Variants in ANGPT1 observed in about 807,000 individuals in gnomAD.
The protein encoded by ANGPT1 is angiopoietin 1, also known as angiopoietin-1.
In ANGPT1, 17 loss-of-function variants were observed where a neutral mutation model predicts 62.2. That is an observed-to-expected ratio of 0.27 (90% confidence interval 0.19 to 0.41). ANGPT1 has a LOEUF of 0.41. ANGPT1 is among the 10% of genes least tolerant of loss of function. The probability of loss-of-function intolerance (pLI) is 1.00; values close to 1 mark genes in which losing one functional copy is unlikely to be tolerated. For synonymous variants in ANGPT1, 199 were observed against 198.9 expected, an observed-to-expected ratio of 1.00 and a Z score of 0.00; for missense variants, 478 against 594.9, an observed-to-expected ratio of 0.80 and a Z score of 2.04.
intron 1 of ANGPT1, among the ~76,000 whole-genome samples, chr8:107,481,199 G>A (rs1361946080): frequency 1.3e-5 from 2 of 152,084 alleles, no homozygotes; most frequent in African/African-American, 2.4e-5. Context: ...TTACAGTCCT[G>A]ATTTGGCTCT....
chr8:107,436,266 G>T (rs1009837374), intron 1 of ANGPT1, among the ~76,000 whole-genome samples: 1 of 152,118 alleles, frequency 6.6e-6, no homozygotes, highest in African/African-American at 2.4e-5. Context: ...TTTCTTCAAG[G>T]CCACACAGTA....
chr8:107,417,277 G>A (rs1384555840), intron 1 of ANGPT1, among the ~76,000 whole-genome samples: 1 of 152,132 alleles, frequency 6.6e-6, no homozygotes, highest in Non-Finnish European at 1.5e-5. Flanking sequence ...CTTGCTAAGA[G>A]GGAGGAGTCA....
chr8:107,391,704 AC>A (rs1257364752), intron 1 of ANGPT1, among the ~76,000 whole-genome samples: 1 of 152,180 alleles, frequency 6.6e-6, no homozygotes, highest in Admixed American at 6.6e-5. Context: ...CACAGAGTGT[AC>A]TTACAGAATC....
intron 8 of ANGPT1, among the ~76,000 whole-genome samples, chr8:107,255,970 T>G (rs191247576): frequency 6.6e-6 from 1 of 152,198 alleles, no homozygotes; most frequent in Non-Finnish European, 1.5e-5. Flanking sequence ...ATGAAAATAA[T>G]TAGACCCAAA....
At chr8:107,448,188 T>C (rs1284707386) in intron 1 of ANGPT1, among the ~76,000 whole-genome samples, 1 of 152,210 alleles carries the variant, frequency 6.6e-6, no homozygotes, top group Non-Finnish European at 1.5e-5. Flanking sequence ...TAATTACATA[T>C]AAGGACTTAC....
At position 107,459,513 on chromosome 8, in the gene ANGPT1, C is replaced by T. The variant is rs1045657146; in HGVS notation, c.297+37749G>A. ...CAAACAACAACAACAACAACAACAA[C>T]AACAACAACAACAACAAAACAAGTA... On this transcript the variant is annotated intron_variant, in intron 1 of 8. Transcript: ENST00000517746. Among the ~76,000 whole-genome samples the T allele has an allele frequency of 1.7e-3, 259 of 151,868 alleles. 3 individuals are homozygous for T. The highest frequency in any genetic ancestry group is 6.1e-3 in the African/African-American group (255 of 41,466).
chr8:107,305,839 T>C (rs566453831), intron 4 of ANGPT1, among the ~76,000 whole-genome samples: 35 of 152,208 alleles, frequency 2.3e-4, no homozygotes, highest in African/African-American at 7.5e-4. Flanking sequence ...AGCAAGCATA[T>C]GCCTGAAAGT....
chr8:107,456,234 G>A (rs1169137752), intron 1 of ANGPT1, among the ~76,000 whole-genome samples: 4 of 152,076 alleles, frequency 2.6e-5, no homozygotes, highest in Non-Finnish European at 4.4e-5. Flanking sequence ...GTCACAAATA[G>A]TTTTCTGCGA....
chr8:107,399,319 G>A (rs146218534), intron 1 of ANGPT1, among the ~76,000 whole-genome samples: 256 of 152,242 alleles, frequency 1.7e-3, no homozygotes, highest in African/African-American at 5.5e-3. Context: ...GAGATGGTTG[G>A]CATTTTAAAG....
At chr8:107,345,691 A>C (rs1436954701) in intron 2 of ANGPT1, among the ~76,000 whole-genome samples, 1 of 152,160 alleles carries the variant, frequency 6.6e-6, no homozygotes, top group African/African-American at 2.4e-5. Context: ...TTTATACCAC[A>C]AGAAACCAAT....
At chr8:107,332,296 T>C (rs1276487961) in intron 3 of ANGPT1, among the ~76,000 whole-genome samples, 1 of 152,214 alleles carries the variant, frequency 6.6e-6, no homozygotes, top group African/African-American at 2.4e-5. Context: ...GAGTTACAGA[T>C]TCCTTACTCC....
chr8:107,318,395 C>T (rs1815070188), intron 4 of ANGPT1, among the ~76,000 whole-genome samples: 1 of 152,170 alleles, frequency 6.6e-6, no homozygotes, highest in Non-Finnish European at 1.5e-5. Context: ...TAAACAAAAG[C>T]ACTCTCTGAA....
chr8:107,480,141 T>A (rs1812639031), intron 1 of ANGPT1, among the ~76,000 whole-genome samples: 1 of 152,160 alleles, frequency 6.6e-6, no homozygotes. Context: ...TATGCCTAAG[T>A]AAATGGTGAC....
chr8:107,387,897 C>A lies in ANGPT1; in HGVS notation c.298-40800G>T, dbSNP rs954447524. Among the ~76,000 whole-genome samples, 10 of 152,062 alleles carry A rather than the reference C, an allele frequency of 6.6e-5. No homozygotes were observed. In the East Asian group the frequency reaches 1.2e-3, roughly 18 times the overall value. Reference sequence around the variant, plus strand: ...TCTTTGAAGTAAATAAGTAAAATGTCTGAATCCCAACTCCTTTCTAAATTT... The same window carrying A: ...TCTTTGAAGTAAATAAGTAAAATGTATGAATCCCAACTCCTTTCTAAATTT... On this transcript the variant is annotated intron_variant, in intron 1 of 8. Coordinates refer to ENST00000517746, the MANE Select transcript of ANGPT1 (RefSeq NM_001146.5).
At chr8:107,470,117 T>G (rs1237969844) in intron 1 of ANGPT1, among the ~76,000 whole-genome samples, 1 of 152,062 alleles carries the variant, frequency 6.6e-6, no homozygotes, top group Admixed American at 6.6e-5. Flanking sequence ...TTTACAGATC[T>G]GATGTAATAT....
chr8:107,278,735 T>C (rs1813924633), intron 7 of ANGPT1, among the ~76,000 whole-genome samples: 1 of 152,222 alleles, frequency 6.6e-6, no homozygotes, highest in Admixed American at 6.5e-5. Flanking sequence ...GTCTTCCTGA[T>C]GCTGGCAACA....
chr8:107,258,459 A>G (rs1813420016), intron 8 of ANGPT1, among the ~76,000 whole-genome samples: 1 of 152,178 alleles, frequency 6.6e-6, no homozygotes, highest in Non-Finnish European at 1.5e-5. Context: ...TTTAAATATT[A>G]TTACTGAGTA....
At chr8:107,471,421 G>C (rs1417129290) in intron 1 of ANGPT1, among the ~76,000 whole-genome samples, 1 of 152,028 alleles carries the variant, frequency 6.6e-6, no homozygotes, top group African/African-American at 2.4e-5. Context: ...GGGGGACTAG[G>C]GGAGGGATAG....
intron 2 of ANGPT1, among the ~76,000 whole-genome samples, chr8:107,344,319 A>T (rs187230625): frequency 1.2e-4 from 18 of 152,280 alleles, no homozygotes; most frequent in African/African-American, 3.6e-4. Context: ...AAACCCCTTC[A>T]TATTGTACTC....
Sources: allele counts gnomAD v4.1 joint callset (sites outside exome capture counted in the v4.1 genomes callset), GRCh38; gene constraint gnomAD v4.1.1; transcripts MANE v1.5; gene names NCBI Gene and HGNC (gene_info 2026-07-23, HGNC 2026-07-21).